Variants in SLC17A7 observed in about 807,000 individuals in gnomAD.
The protein encoded by SLC17A7 is solute carrier family 17 member 7, also known as vesicular glutamate transporter 1.
SLC17A7 carries 15 observed loss-of-function variants against 59.1 expected under a neutral mutation model. That is an observed-to-expected ratio of 0.25 (90% CI 0.17 to 0.39). The LOEUF is 0.39. SLC17A7 is among the 10% of genes least tolerant of loss of function. The pLI, the probability that SLC17A7 is intolerant of heterozygous loss-of-function variation, is 1.00. For missense variants in SLC17A7, 499 were observed against 765.1 expected (o/e 0.65, Z 4.10); for synonymous variants, 353 against 308.9 (o/e 1.14, Z -1.50).
At position 49,434,853 on chromosome 19, in the gene SLC17A7, G is replaced by C; in HGVS notation, c.464C>G (p.Ser155Cys). The C allele has an allele frequency of 6.2e-7, 1 of 1,614,076 alleles. No homozygotes were observed. Among genetic ancestry groups the C allele is most frequent in the South Asian group, 1.1e-5 (1 of 91,074 alleles). ...TGAGGGGATCAGCATGTTTAGAGTG[G>C]ATGTTGCCACAATAGCAAAGCCGAA... Reference protein sequence around the residue: ...RVFGFAIVATSTLNMLIPSAA... With the variant: ...RVFGFAIVATCTLNMLIPSAA... Residue 155 changes from serine (S) to cysteine (C), a missense_variant, in exon 4 of 12, where the codon TCC (serine) becomes TGC (cysteine). Ser to Cys is a moderately radical substitution (Grantham distance 112). Transcript: ENST00000221485.
At position 49,434,045 on chromosome 19, in the gene SLC17A7, A is replaced by C; in HGVS notation, c.639T>G (p.Gly213=). 1 of 1,609,136 alleles carries C rather than the reference A, an allele frequency of 6.2e-7. No homozygotes were observed. The highest frequency in any genetic ancestry group is 8.5e-7 in the Non-Finnish European group (1 of 1,175,960). ...RSRLATTAFC[G]SYAGAVVAMP... ...TCGCGACCACCGCCCCAGCATAGGA[A>C]CCTAAGGGGGAGGATGCGGGGGAGA... is the stretch of plus-strand genomic sequence containing the variant. The change falls in exon 6 of 12, where the codon GGT becomes GGG. Residue 213 remains glycine (G), a splice_region_variant and synonymous_variant. Transcript: ENST00000221485.
At chr19:49,430,958 C>A in intron 11 of SLC17A7, 57 bp downstream of exon 11, 2 of 1,565,408 alleles carry the variant, frequency 1.3e-6, no homozygotes, top group African/African-American at 1.3e-5. Context: ...ACCACGTGGT[C>A]AGTTAGGTAC....
In SLC17A7 at chr19:49,436,500, A is replaced by G. The variant is rs1476697081; in HGVS notation, c.315+49T>C. The G allele has an allele frequency of 4.4e-6, 7 of 1,591,102 alleles. No homozygotes were observed. Among genetic ancestry groups the G allele is most frequent in the Non-Finnish European group, 6.0e-6 (7 of 1,170,326 alleles). On this transcript the variant is annotated intron_variant, in intron 2 of 11. Coordinates refer to ENST00000221485, the MANE Select transcript of SLC17A7 (RefSeq NM_020309.4). This position sits in a 1 kb window ranked among gnomAD's most constrained non-coding sequence, Gnocchi z 4.1. Reference sequence around the variant, plus strand: ...TGTGACGTCATGGGGGCGTAGGCGGAGCTCGGTGAGCGGGGCGGGGCTCTG... The same window carrying G: ...TGTGACGTCATGGGGGCGTAGGCGGGGCTCGGTGAGCGGGGCGGGGCTCTG...
At chr19:49,434,499 A>C (rs1600986155) in intron 5 of SLC17A7, 103 bp downstream of exon 5, 1 of 1,090,128 alleles carries the variant, frequency 9.2e-7, no homozygotes, top group Non-Finnish European at 1.3e-6. Context: ...TCCCTCAGAC[A>C]CAGGAGTTCA....
rs1392899699 is a variant in SLC17A7, at chr19:49,429,552, T to G, written c.*967A>C. 2.5e-6 allele frequency: 1 copy of G among 398,948 alleles called. No individual in the cohort carries two copies. Among genetic ancestry groups the G allele is most frequent in the East Asian group, 3.6e-5 (1 of 28,100 alleles). The allele number at this position is 398,948 out of a possible 1,614,324, so 24.7% of individuals were successfully genotyped here. ...TGGGATTCTGTGACTTCTCTATAGG[T>G]TCCCCAAATTCTAAGCTGAAAGAGG... On this transcript the variant is annotated 3_prime_UTR_variant, in exon 12 of 12. Coordinates refer to ENST00000221485, the MANE Select transcript of SLC17A7 (RefSeq NM_020309.4).
Position 49,436,468 on chromosome 19 carries a change from G to T in SLC17A7, c.315+81C>A. 3 of 1,538,774 alleles carry T rather than the reference G, an allele frequency of 1.9e-6. No homozygotes were observed. The highest frequency in any genetic ancestry group is 2.6e-6 in the Non-Finnish European group (3 of 1,136,570). On this transcript the variant is annotated intron_variant, in intron 2 of 11. Transcript: ENST00000221485. This position sits in a 1 kb window ranked among gnomAD's most constrained non-coding sequence, Gnocchi z 4.1. ...AAGGGGCGTGGCCTGGACGTCTGGT[G>T]GGTGAGTGTGACGTCATGGGGGCGT...
At chr19:49,434,928 C>T in intron 3 of SLC17A7, 46 bp from the exon 4 acceptor site, 4 of 1,571,664 alleles carry the variant, frequency 2.5e-6, no homozygotes, top group East Asian at 2.3e-5. Context: ...TCCAGCCATG[C>T]CCGGGATTCT....
At position 49,430,552 on chromosome 19, in the gene SLC17A7, G is replaced by A. The variant is rs1434276032; in HGVS notation, c.1650C>T (p.Pro550=). ...CCCGGACAGGGGGTGGGGGCCTGGG[G>A]GGCTGAAATGTGCTGTGTGTGGCCC... ...SYGATHSTFQ[P]PRPPPPVRDY Residue 550 remains proline, a synonymous_variant, in exon 12 of 12, where the codon CCC becomes CCT. Coordinates refer to ENST00000221485, the MANE Select transcript of SLC17A7 (RefSeq NM_020309.4). The A allele has an allele frequency of 5.6e-6, 9 of 1,599,114 alleles. No homozygotes were observed. The highest frequency in any genetic ancestry group is 1.7e-5 in the Admixed American group (1 of 59,082).
intron 9 of SLC17A7, 87 bp downstream of exon 9, chr19:49,432,432 C>T: frequency 1.3e-6 from 2 of 1,493,274 alleles, no homozygotes; most frequent in Non-Finnish European, 9.0e-7. Flanking sequence ...GGATGGTTTC[C>T]GCCTGTAACC....
In SLC17A7 at chr19:49,429,714, G is replaced by A. The variant is rs1195186838; in HGVS notation, c.*805C>T. The A allele has an allele frequency of 5.0e-6, 2 of 396,632 alleles. No individual in the cohort carries two copies. The highest frequency in any genetic ancestry group is 4.4e-6 in the Non-Finnish European group (1 of 225,232). The allele number at this position is 396,632 out of a possible 1,614,324, so 24.6% of individuals were successfully genotyped here. On this transcript the variant is annotated 3_prime_UTR_variant, in exon 12 of 12. Transcript: ENST00000221485. Reference sequence around the variant, plus strand: ...CGAGGAATTGGGGAGGGGGCATCATGAAACCACCATGGGGGAGTTCAATGG... The same window carrying A: ...CGAGGAATTGGGGAGGGGGCATCATAAAACCACCATGGGGGAGTTCAATGG...
At chr19:49,434,965 C>A (rs1600986552) in intron 3 of SLC17A7, 83 bp from the exon 4 acceptor site, 2 of 1,354,100 alleles carry the variant, frequency 1.5e-6, no homozygotes, top group East Asian at 4.6e-5. Flanking sequence ...GCAAGCTAGG[C>A]CCAGTGGTCC....
intron 3 of SLC17A7, 106 bp from the exon 4 acceptor site, chr19:49,434,988 G>A: frequency 8.7e-7 from 1 of 1,150,536 alleles, no homozygotes; most frequent in South Asian, 1.3e-5. Flanking sequence ...GGGACCCCAG[G>A]TCCCACCACC....
chr19:49,434,483 T>C, intron 5 of SLC17A7, 119 bp downstream of exon 5: 1 of 942,282 alleles, frequency 1.1e-6, no homozygotes, highest in South Asian at 1.8e-5. Flanking sequence ...CAGAGTCTCC[T>C]CCTCCTCCCT....
In SLC17A7 at chr19:49,431,807, T is replaced by G. The variant is rs528123344; in HGVS notation, c.1151-359A>C. Among the ~76,000 whole-genome samples the G allele has an allele frequency of 6.6e-6, 1 of 151,852 alleles. No homozygotes were observed. Among genetic ancestry groups the G allele is most frequent in the East Asian group, 1.9e-4 (1 of 5,176 alleles). ...GTTTTTTTTTTTTTTAATTTTTGATTTTTTATTTTTTTTAAGAGACAAAGT... is the reference window on the plus strand; with the variant it reads ...GTTTTTTTTTTTTTTAATTTTTGATGTTTTATTTTTTTTAAGAGACAAAGT... On this transcript the variant is annotated intron_variant, in intron 9 of 11. Coordinates refer to ENST00000221485, the MANE Select transcript of SLC17A7 (RefSeq NM_020309.4). This position sits in a 1 kb window ranked among gnomAD's most constrained non-coding sequence, Gnocchi z 4.6.
In SLC17A7 at chr19:49,435,150, G is replaced by C. The variant is rs765315465; in HGVS notation, c.434+18C>G. The C allele has an allele frequency of 7.6e-6, 12 of 1,578,408 alleles. No individual in the cohort carries two copies. Among genetic ancestry groups the C allele is most frequent in the Non-Finnish European group, 1.0e-5 (12 of 1,147,820 alleles). ...CACAACTGTAGTTACCGCCCACTTT[G>C]AGACCCCACCACTGTACCTGTTGGC... On this transcript the variant is annotated intron_variant, in intron 3 of 11. Coordinates refer to ENST00000221485, the MANE Select transcript of SLC17A7 (RefSeq NM_020309.4).
intron 1 of SLC17A7, among the ~76,000 whole-genome samples, chr19:49,440,523 A>G (rs564159652): frequency 1.4e-4 from 21 of 152,214 alleles, no homozygotes; most frequent in African/African-American, 5.1e-4. Flanking sequence ...CCCAGCCTGT[A>G]TCCTTTGGGA....
At position 49,432,793 on chromosome 19, in the gene SLC17A7, T is replaced by C; in HGVS notation, c.1017+18A>G. ...CCGACCCCTCCGCGCCCCCCTGCCC[T>C]CTCCTCCTGGGCTCTACCTTGCTGA... On this transcript the variant is annotated intron_variant, in intron 8 of 11. Transcript: ENST00000221485. 6.3e-7 allele frequency: 1 copy of C among 1,580,532 alleles called. No individual in the cohort carries two copies. The highest frequency in any genetic ancestry group is 8.6e-7 in the Non-Finnish European group (1 of 1,162,862).
At position 49,436,706 on chromosome 19, in the gene SLC17A7, T is replaced by G; in HGVS notation, c.158A>C (p.Asp53Ala). 1.2e-6 allele frequency: 2 copies of G among 1,613,322 alleles called. No homozygotes were observed. Among genetic ancestry groups the G allele is most frequent in the Non-Finnish European group, 1.7e-6 (2 of 1,179,938 alleles). Residue 53 changes from aspartate (D) to alanine (A), a missense_variant, in exon 2 of 12, where the codon GAC (aspartate) becomes GCC (alanine). By Grantham distance (126) the Asp-to-Ala change is moderately radical (BLOSUM62 -2). Around this residue, in one of 3 missense-constraint regions of SLC17A7, gnomAD observed 78 missense variants for 80.4 expected, o/e 0.97. Coordinates refer to ENST00000221485, the MANE Select transcript of SLC17A7 (RefSeq NM_020309.4). The surrounding 1 kb of genome is among the most constrained non-coding windows in gnomAD (Gnocchi z 4.1). ...TTQTRDPPVV[D>A]CTCFGLPRRY... is the part of the protein sequence containing the mutation. The stretch of plus-strand genomic sequence containing the variant: ...GCGAGGGAGGCCGAAGCAGGTGCAG[T>G]CCACCACCGGCGGGTCCCGGGTCTG...
In SLC17A7 at chr19:49,431,188, G is replaced by A. The variant is rs532385556; in HGVS notation, c.1262-46C>T. 2.5e-6 allele frequency: 4 copies of A among 1,590,870 alleles called. No homozygotes were observed. The highest frequency in any genetic ancestry group is 1.7e-4 in the Middle Eastern group (1 of 5,970). ...AAGGCGTCACACCGGAATCTCACTC[G>A]AGTGATTCCCACTGGGACGTTCTCA... On this transcript the variant is annotated intron_variant, in intron 10 of 11. Transcript: ENST00000221485. This position sits in a 1 kb window ranked among gnomAD's most constrained non-coding sequence, Gnocchi z 4.6.
Sources: allele counts gnomAD v4.1 joint callset (sites outside exome capture counted in the v4.1 genomes callset), GRCh38; gene constraint gnomAD v4.1.1; regional missense constraint gnomAD v4.1.1; non-coding constraint Gnocchi (gnomAD v3.1); transcripts MANE v1.5; gene names NCBI Gene and HGNC (gene_info 2026-07-23, HGNC 2026-07-21).